The following ACOT7 variants were observed in gnomAD, a reference collection of about 807,000 sequenced individuals.
ACOT7 encodes cytosolic acyl coenzyme A thioester hydrolase.
In ACOT7, 12 loss-of-function variants were observed where a neutral mutation model predicts 40.2. That is an observed-to-expected ratio of 0.30 (90% CI 0.19 to 0.48). ACOT7 has a LOEUF of 0.48. Among genes scored for constraint, ACOT7 ranks in the 20% least tolerant of loss-of-function variants. The probability of loss-of-function intolerance (pLI) is 0.99; values close to 1 mark genes in which losing one functional copy is unlikely to be tolerated. For missense variants in ACOT7, 395 were observed against 530.8 expected, an observed-to-expected ratio of 0.74 and a Z score of 2.51; for synonymous variants, 228 against 219.5, an observed-to-expected ratio of 1.04 and a Z score of -0.34.
Position 6,348,147 on chromosome 1 carries a change from CCGGAGCCT to C in ACOT7, c.261+1594_261+1601del, listed in dbSNP as rs1244085127. On this transcript the variant is annotated intron_variant, in intron 2 of 8. Coordinates refer to ENST00000361521, the MANE Select transcript of ACOT7 (RefSeq NM_007274.4). ...GCTCTCTGAACGTGACTGAGCTGCA[CCGGAGCCT>C]CGGGTCCAAAGAATCAATCTACCCC... Among the ~76,000 whole-genome samples, 7 of 152,062 alleles carry C rather than the reference CCGGAGCCT, an allele frequency of 4.6e-5. No homozygotes were observed. The South Asian group carries it at 8.3e-4, about 18-fold the overall frequency.
At chr1:6,334,395 T>G (rs1641043895) in intron 3 of ACOT7, among the ~76,000 whole-genome samples, 1 of 152,216 alleles carries the variant, frequency 6.6e-6, no homozygotes, top group African/African-American at 2.4e-5. Context: ...ACGTGCAGGC[T>G]GCAGAGGCTC....
rs548511593 is a variant in ACOT7 at position 6,361,728 on chromosome 1, C to T, written c.144-11862G>A. ...AGGAGAATCACCTGAACCCAGGAGG[C>T]GGAGGTTGCAGTGAGCCAAGATCAC... On this transcript the variant is annotated intron_variant, in intron 1 of 8. Transcript: ENST00000361521. 3.5e-4 allele frequency among the ~76,000 whole-genome samples: 53 copies of T among 152,222 alleles called. No homozygotes were observed. In the South Asian group the frequency reaches 9.5e-3, roughly 27 times the overall value.
At position 6,282,984 on chromosome 1, in the gene ACOT7, T is replaced by C. The variant is rs1639398217; in HGVS notation, c.830-1698A>G. On this transcript the variant is annotated intron_variant, in intron 7 of 8. Coordinates refer to ENST00000361521, the MANE Select transcript of ACOT7 (RefSeq NM_007274.4). The surrounding 1 kb of genome is among the most constrained non-coding windows in gnomAD (Gnocchi z 4.5). ...CACATCCCTCACCAACAATTGTGTA[T>C]AACACTTGGGAGTCACAGGCCAAAA... 1 of 459,682 alleles carries C rather than the reference T, an allele frequency of 2.2e-6. No individual in the cohort carries two copies. The highest frequency in any genetic ancestry group is 4.5e-6 in the Non-Finnish European group (1 of 221,296). The allele number at this position is 459,682 out of a possible 1,614,324, so 28.5% of individuals were successfully genotyped here. A position where few individuals can be genotyped will look rare whatever the true frequency, so the allele number is the denominator to read the frequency against.
chr1:6,385,970 A>G (rs1571358368), intron 1 of ACOT7: 1 of 295,382 alleles, frequency 3.4e-6, no homozygotes, highest in East Asian at 1.7e-4. Flanking sequence ...TCTGCGGGAG[A>G]GGATGAACTG....
chr1:6,383,202 T>A (rs1250177993), intron 1 of ACOT7, among the ~76,000 whole-genome samples: 1 of 150,744 alleles, frequency 6.6e-6, no homozygotes, highest in Non-Finnish European at 1.5e-5. Flanking sequence ...TTTTTTTTTT[T>A]TTTGAGACGG....
At position 6,275,795 on chromosome 1, in the gene ACOT7, C is replaced by T. The variant is rs1025021950; in HGVS notation, c.1014+5307G>A. 2.0e-5 allele frequency among the ~76,000 whole-genome samples: 3 copies of T among 151,470 alleles called. No homozygotes were observed. The highest frequency in any genetic ancestry group is 4.9e-5 in the African/African-American group (2 of 41,212). Reference sequence around the variant, plus strand: ...TCCCACTTCCATCCAGAAAACATTTCGGTGGCTAAAGACTGAAGCTCGGAG... The same window carrying T: ...TCCCACTTCCATCCAGAAAACATTTTGGTGGCTAAAGACTGAAGCTCGGAG... On this transcript the variant is annotated intron_variant, in intron 8 of 8. Coordinates refer to ENST00000361521, the MANE Select transcript of ACOT7 (RefSeq NM_007274.4). The surrounding 1 kb of genome is among the most constrained non-coding windows in gnomAD (Gnocchi z 5.6).
chr1:6,366,862 CAAG>C (rs1642022845), intron 1 of ACOT7, among the ~76,000 whole-genome samples: 1 of 151,902 alleles, frequency 6.6e-6, no homozygotes, highest in African/African-American at 2.4e-5. Context: ...ACATGTCAGC[CAAG>C]ATGGTCTCGA....
intron 6 of ACOT7, among the ~76,000 whole-genome samples, chr1:6,298,728 C>G (rs909888808): frequency 6.6e-6 from 1 of 152,178 alleles, no homozygotes; most frequent in Admixed American, 6.5e-5. Flanking sequence ...TAAGCCACCA[C>G]CAGGCTCTCC....
intron 6 of ACOT7, among the ~76,000 whole-genome samples, chr1:6,313,283 T>A (rs1640390837): frequency 6.6e-6 from 1 of 152,152 alleles, no homozygotes; most frequent in Non-Finnish European, 1.5e-5. Context: ...GGCCAAGGGC[T>A]GAAGGCTGGA....
intron 1 of ACOT7, among the ~76,000 whole-genome samples, chr1:6,375,000 G>A (rs748559617): frequency 9.9e-5 from 15 of 151,954 alleles, no homozygotes; most frequent in Admixed American, 3.9e-4. Flanking sequence ...GAGACAGGCC[G>A]GGCGCGGTGG....
chr1:6,297,994 C>T (rs767912266), intron 6 of ACOT7, among the ~76,000 whole-genome samples: 1 of 152,122 alleles, frequency 6.6e-6, no homozygotes, highest in Non-Finnish European at 1.5e-5. Flanking sequence ...CCCACAGAAG[C>T]TATAAGAAGA....
chr1:6,333,525 G>A lies in ACOT7; in HGVS notation c.462C>T (p.Pro154=). The change falls in exon 4 of 9, where the codon CCC becomes CCT. Residue 154 remains proline, a synonymous_variant. Coordinates refer to ENST00000361521, the MANE Select transcript of ACOT7 (RefSeq NM_007274.4). The part of the protein sequence containing the change: ...LTNKATLWYV[P]LSLKNVDKVL... ...CCTTGTCCACATTCTTCAGCGACAG[G>A]GGCACATACCACAGGGTGGCCTTAT... 1 of 1,614,222 alleles carries A rather than the reference G, an allele frequency of 6.2e-7. No homozygotes were observed. The highest frequency in any genetic ancestry group is 8.5e-7 in the Non-Finnish European group (1 of 1,180,034).
chr1:6,336,499 C>A (rs916494946), intron 3 of ACOT7, among the ~76,000 whole-genome samples: 6 of 152,160 alleles, frequency 3.9e-5, no homozygotes, highest in African/African-American at 1.4e-4. Flanking sequence ...TCTGCCTGGG[C>A]CTGTGCTCGC....
chr1:6,362,529 G>A (rs923944028), intron 1 of ACOT7, among the ~76,000 whole-genome samples: 2 of 151,988 alleles, frequency 1.3e-5, no homozygotes, highest in African/African-American at 4.8e-5. Flanking sequence ...AAAGAAGGTA[G>A]GAAATGAGAC....
intron 1 of ACOT7, among the ~76,000 whole-genome samples, chr1:6,351,446 T>G (rs763495767): frequency 1.3e-5 from 2 of 152,278 alleles, no homozygotes; most frequent in Non-Finnish European, 2.9e-5. Flanking sequence ...TGGGCTTTTT[T>G]TGTCTGAGTT....
At chr1:6,339,738 G>T in intron 2 of ACOT7, 149 bp from the exon 3 acceptor site, 2 of 762,282 alleles carry the variant, frequency 2.6e-6, no homozygotes, top group Non-Finnish European at 3.8e-6. Flanking sequence ...TTGGCACCGC[G>T]GTTTTTTTTT....
At chr1:6,279,886 G>A (rs1639303250) in intron 8 of ACOT7, among the ~76,000 whole-genome samples, 1 of 152,200 alleles carries the variant, frequency 6.6e-6, no homozygotes, top group African/African-American at 2.4e-5. Context: ...AAAGCAGCTG[G>A]GGCGACTCGG....
At chr1:6,272,623 T>C (rs559306307) in intron 8 of ACOT7, among the ~76,000 whole-genome samples, 20 of 152,196 alleles carry the variant, frequency 1.3e-4, no homozygotes, top group Admixed American at 4.6e-4. Flanking sequence ...GGGCTCAAGA[T>C]GTGTGTCTGG....
Position 6,379,185 on chromosome 1 carries a change from C to T in ACOT7, c.143+14072G>A, listed in dbSNP as rs1011860929. On this transcript the variant is annotated intron_variant, in intron 1 of 8. Transcript: ENST00000361521. The stretch of plus-strand genomic sequence containing the variant: ...CTGGGATTACAGGCGTGAGCCACTG[C>T]GCTCAGCCTGCTCAAGGGCTTTCTG... 5.3e-5 allele frequency among the ~76,000 whole-genome samples: 8 copies of T among 152,098 alleles called. No individual in the cohort carries two copies. The East Asian group carries it at 5.8e-4, about 11-fold the overall frequency.
Sources: gnomAD v4.1 joint callset for allele counts (sites outside exome capture counted in the v4.1 genomes callset) on GRCh38, gnomAD v4.1.1 for gene constraint, Gnocchi (gnomAD v3.1) non-coding constraint, MANE v1.5 for transcripts, NCBI Gene and HGNC (gene_info 2026-07-23, HGNC 2026-07-21) for gene names.